ACACB: variants seen among roughly 807,000 people sequenced by gnomAD.
ACACB encodes acetyl-CoA carboxylase 2.
A neutral mutation model predicts 278.8 loss-of-function variants in ACACB; 209 were observed. The ratio of observed to expected loss-of-function variants is 0.75; its 90% CI spans 0.67 to 0.84. ACACB has a LOEUF of 0.84. Among genes scored for constraint, ACACB ranks in the 40% least tolerant of loss-of-function variants. The pLI is 0.00. For synonymous variants in ACACB, 1,174 were observed against 1,285.6 expected (o/e 0.91, Z 1.86); for missense variants, 2,850 against 3,269.0 (o/e 0.87, Z 3.13).
At chr12:109,205,519 G>A (rs1337591131) in intron 19 of ACACB, among the ~76,000 whole-genome samples, 1 of 151,120 alleles carries the variant, frequency 6.6e-6, no homozygotes, top group East Asian at 2.0e-4. Flanking sequence ...GCACAATCTT[G>A]GCTCACTGCA....
At chr12:109,152,054 C>T (rs2043388779) in intron 2 of ACACB, among the ~76,000 whole-genome samples, 1 of 152,054 alleles carries the variant, frequency 6.6e-6, no homozygotes, top group Non-Finnish European at 1.5e-5. Context: ...AAATGAAATC[C>T]CTTATTTGAG....
intron 1 of ACACB, among the ~76,000 whole-genome samples, chr12:109,120,307 T>TGCAGTGGGACTCTCCAAGATGTG (rs2042513915): frequency 6.6e-6 from 1 of 152,214 alleles, no homozygotes; most frequent in Admixed American, 6.5e-5. Context: ...CTATGCTAAA[T>TGCAGTGGGACTCTCCAAGATGTG]GCAGTGGGAC....
intron 12 of ACACB, 89 bp downstream of exon 12, chr12:109,185,829 C>A: frequency 7.4e-7 from 1 of 1,343,614 alleles, no homozygotes; most frequent in Admixed American, 2.8e-5. Context: ...GAGACACCCA[C>A]AAGCTATCCA....
intron 2 of ACACB, among the ~76,000 whole-genome samples, chr12:109,147,543 C>T (rs2043273496): frequency 6.6e-6 from 1 of 151,984 alleles, no homozygotes; most frequent in Non-Finnish European, 1.5e-5. Flanking sequence ...CCACAACCGG[C>T]TCCTAAAAGA....
intron 24 of ACACB, 57 bp downstream of exon 24, chr12:109,216,977 T>C (rs1373026972): frequency 6.3e-7 from 1 of 1,578,306 alleles, no homozygotes; most frequent in Admixed American, 1.8e-5. Context: ...TCCACAAACG[T>C]TTTCTTAAAA....
chr12:109,174,026 A>G (rs1447534490), intron 6 of ACACB, 106 bp from the exon 7 acceptor site: 10 of 869,664 alleles, frequency 1.1e-5, no homozygotes, highest in Admixed American at 5.1e-5. Flanking sequence ...TTTCTCTGTC[A>G]TCTGCTCCTT....
At chr12:109,176,317 G>C in intron 9 of ACACB, 54 bp downstream of exon 9, 6 of 1,454,066 alleles carry the variant, frequency 4.1e-6, no homozygotes, top group Non-Finnish European at 5.8e-6. Flanking sequence ...TTGTTTGTGG[G>C]CTGCCAGATT....
chr12:109,198,159 A>G (rs1327044359), intron 17 of ACACB, among the ~76,000 whole-genome samples: 3 of 152,062 alleles, frequency 2.0e-5, no homozygotes, highest in Non-Finnish European at 4.4e-5. Context: ...TGGCCTCCCA[A>G]AGTGCTGGGA....
At chr12:109,177,772 GT>G (rs1450021836) in intron 9 of ACACB, among the ~76,000 whole-genome samples, 1 of 152,098 alleles carries the variant, frequency 6.6e-6, no homozygotes, top group African/African-American at 2.4e-5. Context: ...TCCCTTTCCT[GT>G]TGCAGGATTC....
intron 1 of ACACB, among the ~76,000 whole-genome samples, chr12:109,132,617 C>T (rs2042858502): frequency 6.6e-6 from 1 of 152,078 alleles, no homozygotes; most frequent in South Asian, 2.1e-4. Context: ...GGTGAGAATT[C>T]GTATCCCCAT....
chr12:109,214,123 A>T (rs1439939105), intron 22 of ACACB, among the ~76,000 whole-genome samples: 1 of 149,762 alleles, frequency 6.7e-6, no homozygotes, highest in East Asian at 2.0e-4. Context: ...TGAGTCGGGG[A>T]TGGTGGTGTG....
Position 109,180,079 on chromosome 12 carries a change from C to T in ACACB, c.1810C>T (p.Gln604Ter), listed in dbSNP as rs1351654628. 3 of 1,610,290 alleles carry T rather than the reference C, an allele frequency of 1.9e-6. No individual in the cohort carries two copies. In the East Asian group the frequency reaches 6.7e-5, roughly 36 times the overall value. ...MIADVNLPAA[Q>*]LQIAMGVPLH... is the part of the protein sequence containing the mutation. ...TGCTGATGTTAATCTGCCGGCCGCCCAGCTACAGGTGAGAAAATGGGCTTG... is the reference window on the plus strand; with the variant it reads ...TGCTGATGTTAATCTGCCGGCCGCCTAGCTACAGGTGAGAAAATGGGCTTG... Residue 604 changes from glutamine (Q) to a stop codon, truncating the protein, a stop_gained, in exon 11 of 53, where the codon CAG (glutamine) becomes TAG (stop). Transcript: ENST00000338432. LOFTEE classifies it high-confidence loss of function.
chr12:109,146,883 C>T (rs2043255757), intron 2 of ACACB, among the ~76,000 whole-genome samples: 1 of 152,058 alleles, frequency 6.6e-6, no homozygotes, highest in Admixed American at 6.6e-5. Flanking sequence ...CCATTTTGCT[C>T]AGGCTGGTCG....
chr12:109,262,705 C>T (rs1338074360), intron 49 of ACACB, among the ~76,000 whole-genome samples: 1 of 151,984 alleles, frequency 6.6e-6, no homozygotes, highest in African/African-American at 2.4e-5. Context: ...ACTGCAACCT[C>T]TGCCTCCCAG....
At chr12:109,236,112 A>G (rs985292468) in intron 33 of ACACB, 1 of 157,642 alleles carries the variant, frequency 6.3e-6, no homozygotes, top group Non-Finnish European at 1.4e-5. Context: ...GACTATAGGC[A>G]CATGCCACCG....
intron 1 of ACACB, among the ~76,000 whole-genome samples, chr12:109,129,285 G>A (rs1029007503): frequency 1.3e-5 from 2 of 152,132 alleles, no homozygotes; most frequent in African/African-American, 2.4e-5. Context: ...GTGAGGCCAC[G>A]TGGGTCTTAA....
chr12:109,252,218 C>A, intron 42 of ACACB, 62 bp downstream of exon 42: 1 of 1,155,636 alleles, frequency 8.7e-7, no homozygotes, highest in Non-Finnish European at 1.2e-6. Context: ...TTTAACATTC[C>A]CATTGGTCTC....
upstream of ACACB, among the ~76,000 whole-genome samples, chr12:109,116,403 G>A (rs986959151): frequency 6.6e-6 from 1 of 152,202 alleles, no homozygotes; most frequent in Non-Finnish European, 1.5e-5. Flanking sequence ...GAAATAAAGC[G>A]AGTTATGGGA....
intron 2 of ACACB, among the ~76,000 whole-genome samples, chr12:109,152,515 G>A (rs4766506): frequency 0.18 from 28,073 of 151,866 alleles, 2,777 homozygotes; most frequent in East Asian, 0.25. Context: ...ATATGGTCAG[G>A]GCATAGCTAT....
Sources: gnomAD v4.1 joint callset for allele counts (sites outside exome capture counted in the v4.1 genomes callset) on GRCh38, gnomAD v4.1.1 for gene constraint, MANE v1.5 for transcripts, NCBI Gene and HGNC (gene_info 2026-07-23, HGNC 2026-07-21) for gene names.